GPC3: variants seen among roughly 807,000 people sequenced by gnomAD.
The protein encoded by GPC3 is glypican 3, also known as glypican-3.
GPC3 carries 3 observed loss-of-function variants against 34.4 expected under a neutral mutation model. The observed-to-expected ratio is 0.09, with a 90% CI of 0.04 to 0.23. The LOEUF is 0.23. GPC3 is among the 10% of genes least tolerant of loss of function. The pLI, the probability that GPC3 is intolerant of heterozygous loss-of-function variation, is 1.00. For synonymous variants in GPC3, 177 were observed against 174.0 expected (o/e 1.02, Z -0.13); for missense variants, 351 against 445.6 (o/e 0.79, Z 1.91).
At chrX:133,552,711 T>C (rs2069446991) in intron 7 of GPC3, among the ~76,000 whole-genome samples, 1 of 112,095 alleles carries the variant, frequency 8.9e-6, no homozygotes, top group Non-Finnish European at 1.9e-5. Flanking sequence ...GTAGATATTT[T>C]GCTCAATGCA....
chrX:133,616,743 G>T (rs1218376962), intron 6 of GPC3, among the ~76,000 whole-genome samples: 2 of 105,265 alleles, frequency 1.9e-5, no homozygotes, highest in East Asian at 6.0e-4. Flanking sequence ...TGTCGCCCAG[G>T]CTGGAGTGCA....
Position 133,770,354 on chromosome X carries a change from A to G in GPC3, c.338-16178T>C, listed in dbSNP as rs2071903519. 4.5e-5 allele frequency among the ~76,000 whole-genome samples: 5 copies of G among 112,265 alleles called. No homozygotes were observed. The South Asian group carries it at 1.9e-3, about 42-fold the overall frequency. Reference sequence around the variant, plus strand: ...TTGGACCTTCTGAACATTCTTGAACACTTGATTATTTTAACAGAATGTGGA... The same window carrying G: ...TTGGACCTTCTGAACATTCTTGAACGCTTGATTATTTTAACAGAATGTGGA... On this transcript the variant is annotated intron_variant, in intron 2 of 7. Transcript: ENST00000370818.
intron 2 of GPC3, among the ~76,000 whole-genome samples, chrX:133,783,702 C>T (rs962700458): frequency 1.8e-5 from 2 of 112,025 alleles, no homozygotes; most frequent in Non-Finnish European, 1.9e-5. Context: ...ACACATTCTT[C>T]AGAGTCAAAT....
chrX:133,661,062 G>A (rs933982867), intron 6 of GPC3, among the ~76,000 whole-genome samples: 1 of 110,443 alleles, frequency 9.1e-6, no homozygotes, highest in Non-Finnish European at 1.9e-5. Context: ...CCAGCTACTC[G>A]GGAGGCTGAG....
chrX:133,621,524 G>A (rs1252095414), intron 6 of GPC3, among the ~76,000 whole-genome samples: 2 of 112,199 alleles, frequency 1.8e-5, no homozygotes, highest in Non-Finnish European at 3.8e-5. Context: ...TGGCTTGGAG[G>A]GTCCCACGCC....
rs191054723 is a variant in GPC3, at chrX:133,684,720, A to C, written c.1292+7649T>G. 3.6e-3 allele frequency among the ~76,000 whole-genome samples: 398 copies of C among 111,136 alleles called. 1 individual carries two copies. The highest frequency in any genetic ancestry group is 6.0e-3 in the Non-Finnish European group (320 of 53,116). Reference sequence around the variant, plus strand: ...GAGAAAAGCCACCCTATAAATTAAAAAACAACAACAACAACAACAAATAAT... The same window carrying C: ...GAGAAAAGCCACCCTATAAATTAAACAACAACAACAACAACAACAAATAAT... On this transcript the variant is annotated intron_variant, in intron 5 of 7. Coordinates refer to ENST00000370818, the MANE Select transcript of GPC3 (RefSeq NM_004484.4).
Position 133,853,688 on chromosome X carries a change from G to A in GPC3, c.337+99362C>T, listed in dbSNP as rs760338859. 2.7e-5 allele frequency among the ~76,000 whole-genome samples: 3 copies of A among 112,101 alleles called. No homozygotes were observed. In the South Asian group the frequency reaches 1.1e-3, roughly 43 times the overall value. ...CCCTTGAAGAACAGAATCTATTGAG[G>A]GAGGCAAAAATGAAAACAAATAATT... On this transcript the variant is annotated intron_variant, in intron 2 of 7. Coordinates refer to ENST00000370818, the MANE Select transcript of GPC3 (RefSeq NM_004484.4).
chrX:133,817,380 A>G (rs2075697421), intron 2 of GPC3, among the ~76,000 whole-genome samples: 1 of 112,455 alleles, frequency 8.9e-6, no homozygotes, highest in Admixed American at 9.4e-5. Context: ...TTCAAGTTTT[A>G]AGGGGTACAG....
chrX:133,563,079 G>C (rs1288039137), intron 7 of GPC3, among the ~76,000 whole-genome samples: 3 of 111,342 alleles, frequency 2.7e-5, no homozygotes, highest in African/African-American at 9.8e-5. Context: ...AGAGGGGTAG[G>C]GGAGTATTCT....
At position 133,954,738 on chromosome X, in the gene GPC3, C is replaced by CTT. The variant is rs1166218378; in HGVS notation, c.176-1529_176-1528dup. 3.4e-3 allele frequency among the ~76,000 whole-genome samples: 185 copies of CTT among 53,772 alleles called. 17 individuals carry two copies. Among genetic ancestry groups the CTT allele is most frequent in the South Asian group, 9.0e-3 (7 of 779 alleles). 46.7% of individuals were successfully genotyped at this position (53,772 alleles called of 115,157 possible). A position where few individuals can be genotyped will look rare whatever the true frequency, so the allele number is the denominator to read the frequency against. ...AACTTCTGTCTTACTCAAACTTTCT[C>CTT]TTTTTTTTTTTTTTTTTTTTTTTTT... is the stretch of plus-strand genomic sequence containing the variant. On this transcript the variant is annotated intron_variant, in intron 1 of 7. Coordinates refer to ENST00000370818, the MANE Select transcript of GPC3 (RefSeq NM_004484.4).
intron 3 of GPC3, among the ~76,000 whole-genome samples, chrX:133,720,054 T>A (rs2071348367): frequency 1.8e-5 from 2 of 111,438 alleles, no homozygotes; most frequent in Admixed American, 1.9e-4. Context: ...AATAAAAAAA[T>A]AATAGATGTT....
At chrX:133,929,497 G>T (rs1412196370) in intron 2 of GPC3, among the ~76,000 whole-genome samples, 1 of 111,782 alleles carries the variant, frequency 8.9e-6, no homozygotes, top group African/African-American at 3.3e-5. Context: ...GTCCAGCCAG[G>T]CCTGCTTAGC....
rs2069732457 is a variant in GPC3, at chrX:133,581,676, A to G, written c.1573+14764T>C. On this transcript the variant is annotated intron_variant, in intron 7 of 7. Transcript: ENST00000370818. ...TTGCAACTGGAGCCAAACTAGAGTTATGATCGATGAGCAAGTGTAGTTCCT... is the reference window on the plus strand; with the variant it reads ...TTGCAACTGGAGCCAAACTAGAGTTGTGATCGATGAGCAAGTGTAGTTCCT... Among the ~76,000 whole-genome samples, 7 of 112,254 alleles carry G rather than the reference A, an allele frequency of 6.2e-5. No homozygotes were observed. In the South Asian group the frequency reaches 2.2e-3, roughly 36 times the overall value.
intron 5 of GPC3, among the ~76,000 whole-genome samples, chrX:133,687,460 C>T (rs1271097521): frequency 8.0e-5 from 7 of 87,049 alleles, no homozygotes; most frequent in Non-Finnish European, 1.5e-4. Flanking sequence ...GGCATGATCT[C>T]AGCTCACTGC....
chrX:133,868,758 T>C (rs1415380610), intron 2 of GPC3, among the ~76,000 whole-genome samples: 1 of 111,268 alleles, frequency 9.0e-6, no homozygotes, highest in Non-Finnish European at 1.9e-5. Flanking sequence ...CAACCCTCAC[T>C]TTCTCCTCAA....
chrX:133,578,668 G>T (rs748110313), intron 7 of GPC3, among the ~76,000 whole-genome samples: 3 of 112,084 alleles, frequency 2.7e-5, no homozygotes, highest in Non-Finnish European at 5.6e-5. Flanking sequence ...GACAGAGGGA[G>T]ACCCTGTCTC....
At chrX:133,671,402 T>C (rs1028236680) in intron 5 of GPC3, 1 of 507,373 alleles carries the variant, frequency 2.0e-6, no homozygotes, top group Non-Finnish European at 3.5e-6. Flanking sequence ...TGCAATATGT[T>C]ATCTGCGGCC....
intron 2 of GPC3, among the ~76,000 whole-genome samples, chrX:133,817,259 T>C (rs947053239): frequency 9.0e-6 from 1 of 111,717 alleles, no homozygotes; most frequent in African/African-American, 3.3e-5. Flanking sequence ...CCTTTTCTTC[T>C]AGCGTGTAGA....
At chrX:133,676,225 G>A (rs1183147723) in intron 5 of GPC3, among the ~76,000 whole-genome samples, 2 of 112,411 alleles carry the variant, frequency 1.8e-5, no homozygotes, top group Non-Finnish European at 3.8e-5. Flanking sequence ...CTTGTCTGCA[G>A]AGAGTAGAAC....
Sources: allele counts gnomAD v4.1 joint callset (sites outside exome capture counted in the v4.1 genomes callset), GRCh38; gene constraint gnomAD v4.1.1; transcripts MANE v1.5; gene names NCBI Gene and HGNC (gene_info 2026-07-23, HGNC 2026-07-21).